Variants in LTBP1 observed in about 807,000 individuals in gnomAD.
LTBP1 encodes the protein latent transforming growth factor beta binding protein 1, also known as latent-transforming growth factor beta-binding protein 1.
A neutral mutation model predicts 207.6 loss-of-function variants in LTBP1; 129 were observed. The ratio of observed to expected loss-of-function variants is 0.62; its 90% CI spans 0.54 to 0.72. The LOEUF is 0.72. LTBP1 is among the 30% of genes least tolerant of loss of function. The pLI, the probability that LTBP1 is intolerant of heterozygous loss-of-function variation, is 0.00. For synonymous variants in LTBP1, 963 were observed against 833.7 expected, an observed-to-expected ratio of 1.16 and a Z score of -2.67; for missense variants, 2,281 against 2,217.2, an observed-to-expected ratio of 1.03 and a Z score of -0.58.
chr2:33,020,076 A>G (rs1380981623), intron 2 of LTBP1, among the ~76,000 whole-genome samples: 1 of 152,088 alleles, frequency 6.6e-6, no homozygotes, highest in Non-Finnish European at 1.5e-5. Context: ...CATCCTTGCA[A>G]ATAGGAGATG....
At chr2:33,200,667 G>A (rs371065669) in intron 7 of LTBP1, among the ~76,000 whole-genome samples, 16 of 152,106 alleles carry the variant, frequency 1.1e-4, no homozygotes, top group Admixed American at 3.3e-4. Flanking sequence ...AGCAAAAGAA[G>A]CTACCATCAG....
intron 10 of LTBP1, among the ~76,000 whole-genome samples, chr2:33,250,819 A>AGGC (rs2092661974): frequency 6.6e-6 from 1 of 152,046 alleles, no homozygotes; most frequent in East Asian, 1.9e-4. Flanking sequence ...CACCCAACGT[A>AGGC]CCACTACCAT....
intron 19 of LTBP1, among the ~76,000 whole-genome samples, chr2:33,290,638 T>G (rs1222608183): frequency 6.6e-6 from 1 of 152,088 alleles, no homozygotes; most frequent in Non-Finnish European, 1.5e-5. Flanking sequence ...ATTTGAGAGA[T>G]ATTTGAAGGG....
At chr2:33,210,742 C>A (rs561941764) in intron 7 of LTBP1, among the ~76,000 whole-genome samples, 2 of 152,280 alleles carry the variant, frequency 1.3e-5, no homozygotes, top group East Asian at 3.9e-4. Context: ...TGTCTTTACC[C>A]TCCTCCGTTG....
intron 3 of LTBP1, among the ~76,000 whole-genome samples, chr2:33,089,155 CAAAAA>C (rs61009791): frequency 1.0e-5 from 1 of 96,418 alleles, no homozygotes; most frequent in Non-Finnish European, 2.2e-5. Context: ...GACTCAGTCT[CAAAAA>C]AAAAAAAAAA....
At chr2:33,275,233 G>T in intron 17 of LTBP1, 143 bp downstream of exon 17, 1 of 989,622 alleles carries the variant, frequency 1.0e-6, no homozygotes, top group Non-Finnish European at 1.4e-6. Context: ...CTAGATCCCA[G>T]GTGATATAAA....
chr2:32,964,628 T>G lies in LTBP1; in HGVS notation c.565+15683T>G, dbSNP rs189823375. Among the ~76,000 whole-genome samples, 3 of 152,258 alleles carry G rather than the reference T, an allele frequency of 2.0e-5. 1 individual carries two copies. Among genetic ancestry groups the G allele is most frequent in the East Asian group, 3.8e-4 (2 of 5,196 alleles). On this transcript the variant is annotated intron_variant, in intron 2 of 33. Transcript: ENST00000404816. Reference sequence around the variant, plus strand: ...GAAGCATCCAAATGTTTAAATATCTTATAAAGGCCACAGTTCTAAGAAATG... The same window carrying G: ...GAAGCATCCAAATGTTTAAATATCTGATAAAGGCCACAGTTCTAAGAAATG...
chr2:33,200,141 G>A (rs2089045656), intron 7 of LTBP1, among the ~76,000 whole-genome samples: 1 of 152,006 alleles, frequency 6.6e-6, no homozygotes, highest in Non-Finnish European at 1.5e-5. Flanking sequence ...AGTTCATATG[G>A]AACCAAAAAA....
At chr2:33,333,480 A>C (rs2094520317) in intron 24 of LTBP1, among the ~76,000 whole-genome samples, 1 of 152,198 alleles carries the variant, frequency 6.6e-6, no homozygotes, top group African/African-American at 2.4e-5. Context: ...GATGGAGAGA[A>C]ATGAATGACT....
Position 33,363,099 on chromosome 2 carries a change from C to T in LTBP1, c.4271-291C>T, listed in dbSNP as rs573453175. ...GTTGATGCCACTATGGAACCATAGA[C>T]CATTTCATCAAATATGAGGTAGCAT... On this transcript the variant is annotated intron_variant, in intron 28 of 33. Transcript: ENST00000404816. Among the ~76,000 whole-genome samples the T allele has an allele frequency of 3.7e-4, 57 of 152,264 alleles. 1 individual carries two copies. The South Asian group carries it at 0.012, about 31-fold the overall frequency.
chr2:33,274,813 G>A (rs537770820), intron 16 of LTBP1, 152 bp from the exon 17 acceptor site: 15 of 676,110 alleles, frequency 2.2e-5, no homozygotes, highest in South Asian at 5.3e-5. Context: ...CTTCAAGTAC[G>A]CGAGGAGAAA....
intron 9 of LTBP1, among the ~76,000 whole-genome samples, chr2:33,238,168 A>G (rs1192684040): frequency 1.3e-5 from 2 of 152,196 alleles, no homozygotes; most frequent in African/African-American, 2.4e-5. Flanking sequence ...GAATTCTGTC[A>G]TGGAATTTAT....
intron 24 of LTBP1, among the ~76,000 whole-genome samples, chr2:33,336,613 C>T (rs2094556220): frequency 6.6e-6 from 1 of 152,166 alleles, no homozygotes; most frequent in African/African-American, 2.4e-5. Context: ...TATGAATTAT[C>T]CATTACCAAA....
chr2:32,988,257 C>T (rs1022147049), intron 2 of LTBP1, among the ~76,000 whole-genome samples: 2 of 152,196 alleles, frequency 1.3e-5, no homozygotes, highest in Non-Finnish European at 2.9e-5. Context: ...ATTCTTAAAA[C>T]AGCCACAGGA....
At chr2:33,379,144 A>AT (rs2095181374) in intron 31 of LTBP1, among the ~76,000 whole-genome samples, 3 of 149,070 alleles carry the variant, frequency 2.0e-5, no homozygotes, top group African/African-American at 7.4e-5. Flanking sequence ...TACACTGCTC[A>AT]TTTCAAGAAA....
intron 13 of LTBP1, among the ~76,000 whole-genome samples, chr2:33,260,923 T>C (rs1390921671): frequency 6.6e-6 from 1 of 152,238 alleles, no homozygotes; most frequent in Admixed American, 6.5e-5. Flanking sequence ...TGTATACTTT[T>C]ACTGCATTTT....
At chr2:33,216,367 T>C (rs1364967790) in intron 7 of LTBP1, among the ~76,000 whole-genome samples, 1 of 152,180 alleles carries the variant, frequency 6.6e-6, no homozygotes, top group African/African-American at 2.4e-5. Context: ...CAGCCAGACA[T>C]GCTCCTTTTG....
In LTBP1 at chr2:33,195,108, A is replaced by G. The variant is rs2088396632; in HGVS notation, c.1701+6257A>G. 2.0e-5 allele frequency among the ~76,000 whole-genome samples: 3 copies of G among 152,212 alleles called. No homozygotes were observed. The South Asian group carries it at 6.2e-4, about 32-fold the overall frequency. ...CTGCTCATTGACAATGTACCTGGTC[A>G]CTCAAGAGCTCTAATGGAGATGTAC... On this transcript the variant is annotated intron_variant, in intron 7 of 33. Coordinates refer to ENST00000404816, the MANE Select transcript of LTBP1 (RefSeq NM_206943.4).
At chr2:33,081,752 G>A (rs1272541025) in intron 3 of LTBP1, among the ~76,000 whole-genome samples, 1 of 152,124 alleles carries the variant, frequency 6.6e-6, no homozygotes, top group Non-Finnish European at 1.5e-5. Flanking sequence ...TGTCGTGGGA[G>A]GGACCCGGTG....
Sources: gnomAD v4.1 joint callset for allele counts (sites outside exome capture counted in the v4.1 genomes callset) on GRCh38, gnomAD v4.1.1 for gene constraint, MANE v1.5 for transcripts, NCBI Gene and HGNC (gene_info 2026-07-23, HGNC 2026-07-21) for gene names.